Variants in TMEM233 observed in about 807,000 individuals in gnomAD.
The protein encoded by TMEM233 is transmembrane protein 233, also known as dispanin subfamily B member 2.
Under a neutral mutation model 11.2 loss-of-function variants are expected in TMEM233, and 6 were observed. That is an observed-to-expected ratio of 0.54 (90% CI 0.29 to 1.06). The LOEUF (loss-of-function observed/expected upper bound fraction) is 1.06. TMEM233 is among the 50% of genes least tolerant of loss of function. TMEM233 has a pLI of 0.08. For synonymous variants in TMEM233, 59 were observed against 55.8 expected (o/e 1.06, Z -0.26); for missense variants, 127 against 144.7 (o/e 0.88, Z 0.63).
At position 119,640,778 on chromosome 12, in the gene TMEM233, G is replaced by A. The variant is rs1869897911; in HGVS notation, c.*73G>A. The stretch of plus-strand genomic sequence containing the variant: ...ACACACACCCCAAAGGAGTTTCTAA[G>A]GAATGGATCCTTGACTTCAGACTGT... On this transcript the variant is annotated 3_prime_UTR_variant, in exon 3 of 3. Transcript: ENST00000426426. 2.0e-6 allele frequency: 3 copies of A among 1,516,372 alleles called. No individual in the cohort carries two copies. Among genetic ancestry groups the A allele is most frequent in the Non-Finnish European group, 2.7e-6 (3 of 1,118,084 alleles). The allele number at this position is 1,516,372 out of a possible 1,614,324, so 93.9% of individuals were successfully genotyped here.
chr12:119,636,165 A>G (rs1427720082), intron 2 of TMEM233, among the ~76,000 whole-genome samples: 1 of 152,080 alleles, frequency 6.6e-6, no homozygotes, highest in Non-Finnish European at 1.5e-5. Context: ...CCCACTCCCA[A>G]CCTGAGGCTA....
intron 2 of TMEM233, 54 bp downstream of exon 2, chr12:119,629,926 C>T (rs1423140312): frequency 1.9e-5 from 29 of 1,517,020 alleles, no homozygotes; most frequent in African/African-American, 4.2e-5. Flanking sequence ...CTCGAACGCC[C>T]GTTGGAATCT....
intron 1 of TMEM233, among the ~76,000 whole-genome samples, chr12:119,602,391 T>C (rs1475950157): frequency 2.6e-5 from 4 of 152,236 alleles, no homozygotes; most frequent in African/African-American, 4.8e-5. Context: ...GTTCTCTGGC[T>C]CTTTCCACAG....
chr12:119,608,409 C>A (rs980090488), intron 1 of TMEM233, among the ~76,000 whole-genome samples: 3 of 152,210 alleles, frequency 2.0e-5, no homozygotes, highest in African/African-American at 7.2e-5. Context: ...AACATCCCCC[C>A]CAGATTTCTT....
At position 119,594,782 on chromosome 12, in the gene TMEM233, G is replaced by A. The variant is rs749936803; in HGVS notation, c.186+748G>A. Among the ~76,000 whole-genome samples the A allele has an allele frequency of 8.5e-5, 13 of 152,196 alleles. No homozygotes were observed. Among genetic ancestry groups the A allele is most frequent in the African/African-American group, 2.6e-4 (11 of 41,524 alleles). On this transcript the variant is annotated intron_variant, in intron 1 of 2. Transcript: ENST00000426426. This position sits in a 1 kb window ranked among gnomAD's most constrained non-coding sequence, Gnocchi z 5.6. ...CACTACCTCTTTAGGCCTTTCTTAGGCTCCCCGTGTGCCCCCCTCACCAGC... is the reference window on the plus strand; with the variant it reads ...CACTACCTCTTTAGGCCTTTCTTAGACTCCCCGTGTGCCCCCCTCACCAGC...
chr12:119,628,858 C>T (rs1954816931), intron 1 of TMEM233, among the ~76,000 whole-genome samples: 1 of 152,112 alleles, frequency 6.6e-6, no homozygotes, highest in Non-Finnish European at 1.5e-5. Context: ...CAGGCTAGGC[C>T]CCAGTTCTGG....
Position 119,640,764 on chromosome 12 carries a change from A to G in TMEM233, c.*59A>G, listed in dbSNP as rs1955069998. The G allele has an allele frequency of 1.9e-6, 3 of 1,547,920 alleles. No homozygotes were observed. Among genetic ancestry groups the G allele is most frequent in the Non-Finnish European group, 2.6e-6 (3 of 1,144,386 alleles). ...GATGGACCTCATCCACACACACCCC[A>G]AAGGAGTTTCTAAGGAATGGATCCT... On this transcript the variant is annotated 3_prime_UTR_variant, in exon 3 of 3. Coordinates refer to ENST00000426426, the MANE Select transcript of TMEM233 (RefSeq NM_001136534.3).
At chr12:119,613,946 A>T (rs930476184) in intron 1 of TMEM233, among the ~76,000 whole-genome samples, 2 of 151,988 alleles carry the variant, frequency 1.3e-5, no homozygotes, top group African/African-American at 4.8e-5. Context: ...GATGACCTGG[A>T]CACAGACGGG....
intron 1 of TMEM233, among the ~76,000 whole-genome samples, chr12:119,600,287 A>C (rs1286928189): frequency 6.6e-6 from 1 of 151,980 alleles, no homozygotes; most frequent in East Asian, 1.9e-4. Flanking sequence ...AGAGAATAAG[A>C]AACTATATTC....
At chr12:119,630,669 G>A (rs1038418292) in intron 2 of TMEM233, among the ~76,000 whole-genome samples, 4 of 152,216 alleles carry the variant, frequency 2.6e-5, no homozygotes, top group African/African-American at 9.6e-5. Flanking sequence ...GAGGAAGACT[G>A]GAGAATCCCA....
chr12:119,605,518 C>G (rs1315707346), intron 1 of TMEM233, among the ~76,000 whole-genome samples: 1 of 147,938 alleles, frequency 6.8e-6, no homozygotes, highest in East Asian at 2.1e-4. Context: ...GCCTTGACCT[C>G]CCCAGGCTAA....
intron 1 of TMEM233, among the ~76,000 whole-genome samples, chr12:119,620,047 C>T (rs1056646192): frequency 2.0e-5 from 3 of 152,300 alleles, no homozygotes; most frequent in Non-Finnish European, 2.9e-5. Context: ...TCAACACATA[C>T]TTATTGCTCT....
rs146784834 is a variant in TMEM233 at position 119,599,532 on chromosome 12, G to A, written c.186+5498G>A. Among the ~76,000 whole-genome samples the A allele has an allele frequency of 6.6e-5, 10 of 152,292 alleles. No individual in the cohort carries two copies. The East Asian group carries it at 1.7e-3, about 26-fold the overall frequency. On this transcript the variant is annotated intron_variant, in intron 1 of 2. Coordinates refer to ENST00000426426, the MANE Select transcript of TMEM233 (RefSeq NM_001136534.3). ...ATGAGATGGTGACAAAATCTTAGAC[G>A]ATGGAAAATAGCTGGCTGGGCATCA...
intron 1 of TMEM233, among the ~76,000 whole-genome samples, chr12:119,625,382 T>TTTA (rs1954730384): frequency 1.3e-5 from 2 of 151,432 alleles, no homozygotes; most frequent in African/African-American, 4.8e-5. Flanking sequence ...TTTTTTTTTT[T>TTTA]CCTTTGATAC....
At chr12:119,617,997 GA>G (rs1302891802) in intron 1 of TMEM233, among the ~76,000 whole-genome samples, 1 of 152,216 alleles carries the variant, frequency 6.6e-6, no homozygotes, top group Non-Finnish European at 1.5e-5. Context: ...GCCTAGGAGG[GA>G]AAATTGTTTC....
intron 1 of TMEM233, among the ~76,000 whole-genome samples, chr12:119,605,415 T>C (rs1954256625): frequency 1.1e-4 from 1 of 8,762 alleles, no homozygotes; most frequent in Non-Finnish European, 3.1e-4. Context: ...TTTCCTTTTT[T>C]TTTTTTTTTT....
intron 1 of TMEM233, among the ~76,000 whole-genome samples, chr12:119,609,265 G>A (rs1752679757): frequency 6.6e-6 from 1 of 152,214 alleles, no homozygotes. Flanking sequence ...CTTTGAACTT[G>A]AGAGAGATGA....
At chr12:119,616,278 C>T (rs1954530909) in intron 1 of TMEM233, among the ~76,000 whole-genome samples, 1 of 152,144 alleles carries the variant, frequency 6.6e-6, no homozygotes, top group Admixed American at 6.5e-5. Context: ...GATGAGAACC[C>T]ATGTGTTCTA....
At chr12:119,619,143 C>A (rs539656652) in intron 1 of TMEM233, among the ~76,000 whole-genome samples, 38 of 152,304 alleles carry the variant, frequency 2.5e-4, no homozygotes, top group African/African-American at 8.7e-4. Flanking sequence ...ATTCTTCCCT[C>A]TCCTGCTGCC....
Sources: allele counts gnomAD v4.1 joint callset (sites outside exome capture counted in the v4.1 genomes callset), GRCh38; gene constraint gnomAD v4.1.1; non-coding constraint Gnocchi (gnomAD v3.1); transcripts MANE v1.5; gene names NCBI Gene and HGNC (gene_info 2026-07-23, HGNC 2026-07-21).